Variants in WDR47 observed in about 807,000 individuals in gnomAD.
The protein encoded by WDR47 is WD repeat-containing protein 47.
A neutral mutation model predicts 97.2 loss-of-function variants in WDR47; 32 were observed. The ratio of observed to expected loss-of-function variants is 0.33; its 90% CI spans 0.25 to 0.44. The LOEUF (loss-of-function observed/expected upper bound fraction) is 0.44, where lower values mean the gene tolerates loss of function less well. WDR47 is among the 20% of genes least tolerant of loss of function. WDR47 has a pLI of 1.00. For synonymous variants in WDR47, 375 were observed against 373.5 expected (o/e 1.00, Z -0.05); for missense variants, 782 against 1,102.3 (o/e 0.71, Z 4.11).
intron 7 of WDR47, among the ~76,000 whole-genome samples, chr1:109,001,425 AT>A (rs1282458131): frequency 3.3e-5 from 5 of 152,234 alleles, no homozygotes; most frequent in African/African-American, 1.2e-4. Context: ...TATAAAAATA[AT>A]TTTAATACAG....
intron 8 of WDR47, among the ~76,000 whole-genome samples, chr1:108,994,341 G>A (rs1413112406): frequency 6.6e-6 from 1 of 152,160 alleles, no homozygotes; most frequent in Non-Finnish European, 1.5e-5. Context: ...AGGTTGCAGT[G>A]AGCTGAGATT....
chr1:109,034,948 G>A (rs748631598), intron 1 of WDR47, among the ~76,000 whole-genome samples: 10 of 152,016 alleles, frequency 6.6e-5, no homozygotes, highest in Admixed American at 1.3e-4. Context: ...ATATCTCTGT[G>A]TCTAAATAAA....
At chr1:109,001,237 G>A (rs767677891) in intron 7 of WDR47, among the ~76,000 whole-genome samples, 21 of 151,768 alleles carry the variant, frequency 1.4e-4, no homozygotes, top group Non-Finnish European at 2.9e-4. Flanking sequence ...TGCAGTGAGC[G>A]AAGATCGCGC....
chr1:109,016,974 AT>A (rs1420426688), intron 3 of WDR47, among the ~76,000 whole-genome samples: 3 of 152,170 alleles, frequency 2.0e-5, no homozygotes, highest in Non-Finnish European at 4.4e-5. Context: ...AGATGGAAAA[AT>A]CTTACAAAAA....
intron 13 of WDR47, among the ~76,000 whole-genome samples, chr1:108,975,143 A>G (rs945236488): frequency 6.6e-6 from 1 of 152,196 alleles, no homozygotes. Flanking sequence ...ATTCAGTAAC[A>G]AAATGTATTT....
At chr1:109,021,749 A>T (rs1327581500) in intron 2 of WDR47, among the ~76,000 whole-genome samples, 1 of 151,832 alleles carries the variant, frequency 6.6e-6, no homozygotes, top group Non-Finnish European at 1.5e-5. Flanking sequence ...CTGGTCTCGA[A>T]CTCCTAACCT....
intron 13 of WDR47, among the ~76,000 whole-genome samples, chr1:108,976,047 C>A (rs1657864254): frequency 6.6e-6 from 1 of 152,164 alleles, no homozygotes; most frequent in Non-Finnish European, 1.5e-5. Context: ...GCCTAAATCT[C>A]AAACTGCAGA....
chr1:109,023,018 C>T (rs888606347), intron 2 of WDR47, among the ~76,000 whole-genome samples: 3 of 151,490 alleles, frequency 2.0e-5, no homozygotes, highest in African/African-American at 7.3e-5. Flanking sequence ...TCCTGGCTAA[C>T]ATGGTGAAAC....
At chr1:108,973,516 C>T (rs566596542) in intron 14 of WDR47, among the ~76,000 whole-genome samples, 38 of 152,262 alleles carry the variant, frequency 2.5e-4, no homozygotes, top group African/African-American at 8.7e-4. Flanking sequence ...AAACTAGATA[C>T]TAAGACCTAA....
intron 9 of WDR47, 149 bp from the exon 10 acceptor site, chr1:108,986,829 G>A (rs1013711734): frequency 7.6e-6 from 5 of 659,528 alleles, no homozygotes; most frequent in Non-Finnish European, 1.2e-5. Flanking sequence ...TTTTCTCTAT[G>A]TTTTTCTTAC....
At chr1:109,033,725 T>C (rs765245012) in intron 1 of WDR47, among the ~76,000 whole-genome samples, 1 of 152,026 alleles carries the variant, frequency 6.6e-6, no homozygotes, top group African/African-American at 2.4e-5. Flanking sequence ...TGGAGACCAT[T>C]CTGGCCAACA....
At chr1:109,017,746 C>A in intron 2 of WDR47, 145 bp from the exon 3 acceptor site, 6 of 627,892 alleles carry the variant, frequency 9.6e-6, no homozygotes, top group South Asian at 2.2e-5. Context: ...ATAAATTTTT[C>A]ATAATTTTTT....
Position 108,971,299 on chromosome 1 carries a change from A to G in WDR47, c.*131T>C. The G allele has an allele frequency of 8.1e-7, 1 of 1,234,812 alleles. No homozygotes were observed. Among genetic ancestry groups the G allele is most frequent in the Non-Finnish European group, 1.1e-6 (1 of 886,534 alleles). The allele number at this position is 1,234,812 out of a possible 1,614,324, so 76.5% of individuals were successfully genotyped here. A position where few individuals can be genotyped will look rare whatever the true frequency, so the allele number is the denominator to read the frequency against. On this transcript the variant is annotated 3_prime_UTR_variant, in exon 15 of 15. Transcript: ENST00000369962. ...ACCCAACACCTCCTATCAGTGGGATACATGGTAATAAGGGGCCTCTTCGTG... is the reference window on the plus strand; with the variant it reads ...ACCCAACACCTCCTATCAGTGGGATGCATGGTAATAAGGGGCCTCTTCGTG...
chr1:109,008,953 C>T (rs938265218), intron 5 of WDR47, among the ~76,000 whole-genome samples: 1 of 151,990 alleles, frequency 6.6e-6, no homozygotes, highest in African/African-American at 2.4e-5. Context: ...GGCGCAGTGG[C>T]GCACGCCTGT....
At chr1:108,999,754 CT>C (rs911564472) in intron 7 of WDR47, among the ~76,000 whole-genome samples, 2 of 151,864 alleles carry the variant, frequency 1.3e-5, no homozygotes, top group Non-Finnish European at 2.9e-5. Flanking sequence ...AATAGTTTAG[CT>C]TTTTTTCTGA....
intron 14 of WDR47, among the ~76,000 whole-genome samples, chr1:108,973,567 TAATAACAGTACACA>T (rs1657644787): frequency 6.6e-6 from 1 of 152,172 alleles, no homozygotes; most frequent in South Asian, 2.1e-4. Flanking sequence ...ATGTAGAAGC[TAATAACAGTACACA>T]AATCCATCAT....
rs568571094 is a variant in WDR47, at chr1:108,996,738, T to C, written c.1434-901A>G. Among the ~76,000 whole-genome samples the C allele has an allele frequency of 1.2e-4, 18 of 152,296 alleles. No individual in the cohort carries two copies. The East Asian group carries it at 2.5e-3, about 21-fold the overall frequency. On this transcript the variant is annotated intron_variant, in intron 7 of 14. Transcript: ENST00000369962. ...GCCTCAGGGCCTTGCCCTCAACAAA[T>C]AGTCTCTCCATTGCTGTAGCCTGAC...
chr1:109,035,715 C>T (rs984700958), intron 1 of WDR47, among the ~76,000 whole-genome samples: 1 of 151,840 alleles, frequency 6.6e-6, no homozygotes, highest in Non-Finnish European at 1.5e-5. Flanking sequence ...AGGCTAGTCT[C>T]GAACTCCCGA....
At chr1:109,018,840 A>C (rs1461279664) in intron 2 of WDR47, among the ~76,000 whole-genome samples, 1 of 151,868 alleles carries the variant, frequency 6.6e-6, no homozygotes, top group East Asian at 1.9e-4. Context: ...AAAAGAAAGA[A>C]CAGGTGATCA....
Sources: allele counts gnomAD v4.1 joint callset (sites outside exome capture counted in the v4.1 genomes callset), GRCh38; gene constraint gnomAD v4.1.1; transcripts MANE v1.5; gene names NCBI Gene and HGNC (gene_info 2026-07-23, HGNC 2026-07-21).